The following TMEM131 variants were observed in gnomAD, a reference collection of about 807,000 sequenced individuals.
TMEM131 encodes the protein transmembrane protein 131.
A neutral mutation model predicts 211.6 loss-of-function variants in TMEM131; 66 were observed. The ratio of observed to expected loss-of-function variants is 0.31; its 90% confidence interval spans 0.26 to 0.38. The LOEUF is 0.38. Ranked by LOEUF, TMEM131 falls within the 10% of genes least tolerant of loss-of-function variation. The pLI is 1.00. For missense variants in TMEM131, 2,036 were observed against 2,299.3 expected (o/e 0.89, Z 2.34); for synonymous variants, 844 against 841.3 (o/e 1.00, Z -0.06).
chr2:97,855,794 A>G (rs1350677262), intron 5 of TMEM131, among the ~76,000 whole-genome samples: 3 of 152,174 alleles, frequency 2.0e-5, no homozygotes, highest in Non-Finnish European at 2.9e-5. Context: ...ATAGACAGAG[A>G]CCTATTTCAT....
chr2:97,954,389 A>G (rs1678464734), intron 1 of TMEM131, among the ~76,000 whole-genome samples: 1 of 152,256 alleles, frequency 6.6e-6, no homozygotes, highest in African/African-American at 2.4e-5. Flanking sequence ...TTATGCTCAT[A>G]AATTTGACAA....
intron 31 of TMEM131, among the ~76,000 whole-genome samples, chr2:97,781,982 C>T (rs151327780): frequency 7.4e-4 from 113 of 152,348 alleles, no homozygotes; most frequent in African/African-American, 2.5e-3. Flanking sequence ...GCCAAGACTT[C>T]CACCCTTGCA....
At chr2:97,954,113 A>G (rs1203053252) in intron 1 of TMEM131, among the ~76,000 whole-genome samples, 1 of 152,222 alleles carries the variant, frequency 6.6e-6, no homozygotes, top group Non-Finnish European at 1.5e-5. Flanking sequence ...GAAACTAGAA[A>G]AAGTAGAGCA....
chr2:97,910,478 C>G (rs2104377673), intron 2 of TMEM131, among the ~76,000 whole-genome samples: 1 of 152,190 alleles, frequency 6.6e-6, no homozygotes, highest in East Asian at 1.9e-4. Context: ...TAGAAGCAAC[C>G]CAAATGCCCA....
intron 3 of TMEM131, among the ~76,000 whole-genome samples, chr2:97,895,190 T>C (rs953785969): frequency 1.3e-5 from 2 of 152,220 alleles, no homozygotes; most frequent in South Asian, 2.1e-4. Flanking sequence ...TTTGCATACG[T>C]TGAACCAGCC....
At chr2:97,793,863 G>T (rs372083887) in intron 29 of TMEM131, among the ~76,000 whole-genome samples, 1 of 151,322 alleles carries the variant, frequency 6.6e-6, no homozygotes, top group Non-Finnish European at 1.5e-5. Flanking sequence ...CCGTGGTGGC[G>T]GGCGCCTGTA....
chr2:97,880,771 G>C (rs140653173), intron 4 of TMEM131, among the ~76,000 whole-genome samples: 1 of 152,180 alleles, frequency 6.6e-6, no homozygotes, highest in Non-Finnish European at 1.5e-5. Flanking sequence ...CAGTAAGAAA[G>C]CGCAGAGTTG....
rs1480256435 is a variant in TMEM131, at chr2:97,995,640, C to T, written c.23G>A (p.Gly8Glu). ...GGCGGCGGTGGTGGCTCCGGTTGCTCCTCCTCCCGCCCGCTTCCCCATCCC... is the reference window on the plus strand; with the variant it reads ...GGCGGCGGTGGTGGCTCCGGTTGCTTCTCCTCCCGCCCGCTTCCCCATCCC... Reference protein sequence around the residue: MGKRAGGGATGATTAAVS... With the variant: MGKRAGGEATGATTAAVS... The change falls in exon 1 of 41, where the codon GGA becomes GAA. Residue 8 changes from glycine (G) to glutamate (E), a missense_variant. Transcript: ENST00000186436. The T allele has an allele frequency of 3.3e-6, 4 of 1,218,696 alleles. No homozygotes were observed. The highest frequency in any genetic ancestry group is 1.6e-5 in the African/African-American group (1 of 63,498). 75.5% of individuals were successfully genotyped at this position (1,218,696 alleles called of 1,614,324 possible).
chr2:97,830,469 T>C (rs769593588), intron 11 of TMEM131, among the ~76,000 whole-genome samples: 6 of 152,200 alleles, frequency 3.9e-5, no homozygotes, highest in Non-Finnish European at 8.8e-5. Flanking sequence ...AACCCTCAAG[T>C]GAAATTCAAC....
At chr2:97,840,537 C>T (rs1399409659) in intron 7 of TMEM131, among the ~76,000 whole-genome samples, 1 of 152,226 alleles carries the variant, frequency 6.6e-6, no homozygotes, top group Admixed American at 6.5e-5. Flanking sequence ...CTGCAGTGAA[C>T]CATGACCGTG....
rs3816337 is a variant in TMEM131 at position 97,761,853 on chromosome 2, G to C, written c.4889+182C>G. 2.0e-4 allele frequency: 118 copies of C among 604,604 alleles called. No homozygotes were observed. In the East Asian group the frequency reaches 3.6e-3, roughly 19 times the overall value. 37.5% of individuals were successfully genotyped at this position (604,604 alleles called of 1,614,324 possible). ...GAATGGGAACCGGGTTACTGTTGGAGCTGGGCACAGCAGCAGGAAGCGGGG... is the reference window on the plus strand; with the variant it reads ...GAATGGGAACCGGGTTACTGTTGGACCTGGGCACAGCAGCAGGAAGCGGGG... On this transcript the variant is annotated intron_variant, in intron 36 of 40. Transcript: ENST00000186436.
intron 2 of TMEM131, among the ~76,000 whole-genome samples, chr2:97,914,881 G>T (rs1181915662): frequency 2.0e-5 from 3 of 152,120 alleles, no homozygotes; most frequent in African/African-American, 7.2e-5. Flanking sequence ...CATTTCTTTG[G>T]GAGAATCCCC....
At chr2:97,874,429 C>T (rs1674610281) in intron 4 of TMEM131, among the ~76,000 whole-genome samples, 1 of 152,182 alleles carries the variant, frequency 6.6e-6, no homozygotes, top group African/African-American at 2.4e-5. Flanking sequence ...TCGTCAGATT[C>T]ACCAAGGTTG....
chr2:97,866,631 GTA>G (rs1395733099), intron 4 of TMEM131, among the ~76,000 whole-genome samples: 3 of 152,222 alleles, frequency 2.0e-5, no homozygotes, highest in African/African-American at 4.8e-5. Flanking sequence ...ATTTTGGTGT[GTA>G]TATGTTTCCT....
At chr2:97,824,955 T>C (rs1165015983) in intron 11 of TMEM131, among the ~76,000 whole-genome samples, 4 of 152,224 alleles carry the variant, frequency 2.6e-5, no homozygotes, top group Non-Finnish European at 1.5e-5. Flanking sequence ...TATCCAGTTG[T>C]ACCCAACCCC....
chr2:97,927,330 A>G, intron 2 of TMEM131, 96 bp downstream of exon 2: 1 of 924,972 alleles, frequency 1.1e-6, no homozygotes, highest in Non-Finnish European at 1.6e-6. Flanking sequence ...AAATATAAAT[A>G]TATTTCAGAT....
chr2:97,825,621 T>C (rs1343952529), intron 11 of TMEM131, among the ~76,000 whole-genome samples: 2 of 152,182 alleles, frequency 1.3e-5, no homozygotes, highest in African/African-American at 2.4e-5. Context: ...CAGGCCCTAC[T>C]ACAAGCTCCA....
chr2:97,923,221 A>C (rs149052280), intron 2 of TMEM131, among the ~76,000 whole-genome samples: 1,819 of 152,316 alleles, frequency 0.012, 40 homozygotes, highest in African/African-American at 0.041. Context: ...CAGAGGCTGC[A>C]ATGAGCTGAG....
chr2:97,922,575 G>A (rs990200879), intron 2 of TMEM131, among the ~76,000 whole-genome samples: 1 of 151,964 alleles, frequency 6.6e-6, no homozygotes, highest in African/African-American at 2.4e-5. Flanking sequence ...AACACATAAT[G>A]CTGTGAATCT....
Sources: allele counts gnomAD v4.1 joint callset (sites outside exome capture counted in the v4.1 genomes callset), GRCh38; gene constraint gnomAD v4.1.1; transcripts MANE v1.5; gene names NCBI Gene and HGNC (gene_info 2026-07-23, HGNC 2026-07-21).